MME: variants seen among roughly 807,000 people sequenced by gnomAD.
MME encodes neprilysin.
MME carries 98 observed loss-of-function variants against 113.2 expected under a neutral mutation model. That is an observed-to-expected ratio of 0.87 (90% CI 0.74 to 1.02). The LOEUF is 1.02. Ranked by LOEUF, MME falls within the 50% of genes least tolerant of loss-of-function variation. MME has a pLI of 0.00. For synonymous variants in MME, 292 were observed against 300.6 expected (o/e 0.97, Z 0.30); for missense variants, 836 against 896.0 (o/e 0.93, Z 0.86).
chr3:155,089,815 T>C (rs1414808414), intron 3 of MME: 4 of 451,424 alleles, frequency 8.9e-6, no homozygotes, highest in South Asian at 3.1e-5. Context: ...CCATCTCTGC[T>C]AAAAATACAA....
chr3:155,089,590 C>A (rs1291419192), intron 3 of MME, among the ~76,000 whole-genome samples: 5 of 152,194 alleles, frequency 3.3e-5, no homozygotes, highest in African/African-American at 9.7e-5. Context: ...CTGGGTACCA[C>A]TGGTTTAAAC....
intron 3 of MME, among the ~76,000 whole-genome samples, chr3:155,100,163 G>T (rs1403196757): frequency 6.6e-6 from 1 of 152,114 alleles, no homozygotes; most frequent in African/African-American, 2.4e-5. Flanking sequence ...CTGACAAAGG[G>T]CTAGTATTCA....
intron 3 of MME, among the ~76,000 whole-genome samples, chr3:155,101,237 C>G (rs1409908654): frequency 1.3e-5 from 2 of 152,208 alleles, no homozygotes; most frequent in Non-Finnish European, 2.9e-5. Flanking sequence ...AATTAAACCT[C>G]TTTTCTTTAT....
intron 8 of MME, among the ~76,000 whole-genome samples, chr3:155,129,852 C>A (rs1559937554): frequency 6.6e-6 from 1 of 152,166 alleles, no homozygotes; most frequent in Non-Finnish European, 1.5e-5. Flanking sequence ...TAAACATAAC[C>A]ATTCCCATTC....
rs1374255630 is a variant in MME, at chr3:155,167,133, C to A, written c.1780+112C>A. 27 of 1,366,778 alleles carry A rather than the reference C, an allele frequency of 2.0e-5. No individual in the cohort carries two copies. The Admixed American group carries it at 4.0e-4, about 20-fold the overall frequency. 84.7% of individuals were successfully genotyped at this position (1,366,778 alleles called of 1,614,324 possible). ...ACATTTATTCAAACATGTATCATTTCTCTAATTTTCACCACACTTTCAATT... is the reference window on the plus strand; with the variant it reads ...ACATTTATTCAAACATGTATCATTTATCTAATTTTCACCACACTTTCAATT... On this transcript the variant is annotated intron_variant, in intron 18 of 22. Coordinates refer to ENST00000360490, the MANE Select transcript of MME (RefSeq NM_007289.4).
intron 8 of MME, among the ~76,000 whole-genome samples, chr3:155,129,417 C>T (rs958090351): frequency 2.0e-5 from 3 of 152,110 alleles, no homozygotes; most frequent in Admixed American, 6.6e-5. Context: ...AACTTCTTAT[C>T]GACTATGAAA....
intron 3 of MME, among the ~76,000 whole-genome samples, chr3:155,104,356 T>A (rs568244917): frequency 6.6e-5 from 10 of 152,164 alleles, no homozygotes; most frequent in African/African-American, 2.4e-4. Context: ...AATATAAACA[T>A]ATGGAGCCAA....
At chr3:155,174,300 T>A (rs931324879) in intron 22 of MME, among the ~76,000 whole-genome samples, 8 of 150,800 alleles carry the variant, frequency 5.3e-5, no homozygotes, top group African/African-American at 2.0e-4. Flanking sequence ...CCTCATCGAC[T>A]ATTTTTCATT....
At position 155,183,200 on chromosome 3, in the gene MME, G is replaced by A. The variant is rs1047666396; in HGVS notation, c.*2741G>A. 5.3e-5 allele frequency: 8 copies of A among 152,228 alleles called. No homozygotes were observed. The highest frequency in any genetic ancestry group is 1.9e-4 in the African/African-American group (8 of 41,442). 9.4% of individuals were successfully genotyped at this position (152,228 alleles called of 1,614,324 possible). A position where few individuals can be genotyped will look rare whatever the true frequency, so the allele number is the denominator to read the frequency against. On this transcript the variant is annotated 3_prime_UTR_variant, in exon 23 of 23. Coordinates refer to ENST00000360490, the MANE Select transcript of MME (RefSeq NM_007289.4). ...AGGTGCAAGCTGTCCAGAGAAAAGA[G>A]TCCTTGTTCCAGCCCTATTCTGCCA...
intron 3 of MME, among the ~76,000 whole-genome samples, chr3:155,095,608 G>A (rs1716663621): frequency 1.3e-5 from 2 of 151,792 alleles, no homozygotes; most frequent in Non-Finnish European, 2.9e-5. Flanking sequence ...TCAACCTCTT[G>A]GGCTCAAGCA....
At chr3:155,177,949 T>C (rs930986010) in intron 22 of MME, among the ~76,000 whole-genome samples, 9 of 152,152 alleles carry the variant, frequency 5.9e-5, no homozygotes, top group Non-Finnish European at 1.2e-4. Flanking sequence ...AGTGGTTCCA[T>C]TTCCTTCCAA....
rs116596000 is a variant in MME at position 155,068,295 on chromosome 3, G to C, written c.-10-15863G>C. ...AAGAATAAGAGATAGGTGGGGAAGAGCAGCAGGGAGACATCACCAAGGCAC... is the reference window on the plus strand; with the variant it reads ...AAGAATAAGAGATAGGTGGGGAAGACCAGCAGGGAGACATCACCAAGGCAC... On this transcript the variant is annotated intron_variant, in intron 1 of 22. Transcript: ENST00000492661. Among the ~76,000 whole-genome samples the C allele has an allele frequency of 3.3e-3, 507 of 152,310 alleles. 6 individuals are homozygous for C. The highest frequency in any genetic ancestry group is 0.012 in the African/African-American group (500 of 41,552).
chr3:155,058,197 C>T (rs1714005222), intron 1 of MME, among the ~76,000 whole-genome samples: 1 of 152,120 alleles, frequency 6.6e-6, no homozygotes, highest in Non-Finnish European at 1.5e-5. Flanking sequence ...TTAATGAAGA[C>T]TCACGCAATA....
At chr3:155,082,911 T>A (rs1299696153) in intron 1 of MME, among the ~76,000 whole-genome samples, 1 of 152,160 alleles carries the variant, frequency 6.6e-6, no homozygotes, top group Non-Finnish European at 1.5e-5. Flanking sequence ...TCAACAAAGA[T>A]CTTTAACTAT....
At chr3:155,133,779 A>G (rs983937897) in intron 8 of MME, among the ~76,000 whole-genome samples, 4 of 147,144 alleles carry the variant, frequency 2.7e-5, no homozygotes, top group African/African-American at 9.9e-5. Context: ...GTGTGTATAT[A>G]TATATGGTAT....
chr3:155,177,472 A>C (rs1712656631), intron 22 of MME, among the ~76,000 whole-genome samples: 1 of 152,234 alleles, frequency 6.6e-6, no homozygotes. Context: ...CCTAATTTCT[A>C]AGCTCTTTTA....
At chr3:155,042,403 T>C (rs563346778) in intron 1 of MME, among the ~76,000 whole-genome samples, 18 of 152,302 alleles carry the variant, frequency 1.2e-4, no homozygotes, top group African/African-American at 4.3e-4. Flanking sequence ...ATGCCCAGTC[T>C]TTCTCCTGAA....
At chr3:155,050,682 G>A (rs1030226045) in intron 1 of MME, among the ~76,000 whole-genome samples, 1 of 151,998 alleles carries the variant, frequency 6.6e-6, no homozygotes, top group African/African-American at 2.4e-5. Flanking sequence ...GGGGTTGTTT[G>A]GTTTTTGCTT....
rs368192985 is a variant in MME, at chr3:155,086,181, T to C, written c.196+1087T>C. Among the ~76,000 whole-genome samples, 6 of 152,010 alleles carry C rather than the reference T, an allele frequency of 3.9e-5. No homozygotes were observed. In the South Asian group the frequency reaches 8.3e-4, roughly 21 times the overall value. ...GGCCTGTGGTGAGAGAAGAGTACTA[T>C]TGAGATAATGGGGAGGGAGAATTGG... On this transcript the variant is annotated intron_variant, in intron 3 of 22. Coordinates refer to ENST00000360490, the MANE Select transcript of MME (RefSeq NM_007289.4).
Sources: gnomAD v4.1 joint callset for allele counts (sites outside exome capture counted in the v4.1 genomes callset) on GRCh38, gnomAD v4.1.1 for gene constraint, MANE v1.5 for transcripts, NCBI Gene and HGNC (gene_info 2026-07-23, HGNC 2026-07-21) for gene names.